The following KCNMB2 variants were observed in gnomAD, a reference collection of about 807,000 sequenced individuals.
KCNMB2 encodes potassium calcium-activated channel subfamily M regulatory beta subunit 2, also known as calcium-activated potassium channel subunit beta-2.
In KCNMB2, 9 loss-of-function variants were observed where a neutral mutation model predicts 24.5. The ratio of observed to expected loss-of-function variants is 0.37; its 90% CI spans 0.22 to 0.64. The LOEUF is 0.64. Among genes scored for constraint, KCNMB2 ranks in the 30% least tolerant of loss-of-function variants. The pLI is 0.63. For synonymous variants in KCNMB2, 109 were observed against 104.4 expected, an observed-to-expected ratio of 1.04 and a Z score of -0.27; for missense variants, 226 against 284.3, an observed-to-expected ratio of 0.79 and a Z score of 1.47.
intron 1 of KCNMB2, among the ~76,000 whole-genome samples, chr3:178,688,888 C>T (rs1361544664): frequency 1.3e-5 from 2 of 151,966 alleles, no homozygotes; most frequent in African/African-American, 4.8e-5. Flanking sequence ...CTATATGTAC[C>T]AGCTTTGTTA....
intron 1 of KCNMB2, among the ~76,000 whole-genome samples, chr3:178,546,172 T>C (rs966775906): frequency 2.0e-5 from 3 of 152,164 alleles, no homozygotes; most frequent in Admixed American, 6.6e-5. Context: ...TTTGTAGATA[T>C]AGAAAATATA....
chr3:178,758,165 G>T (rs1296825676), intron 1 of KCNMB2, among the ~76,000 whole-genome samples: 2 of 3,780 alleles, frequency 5.3e-4, no homozygotes, highest in African/African-American at 1.6e-3. Context: ...TATCCAAGAG[G>T]ATATATATAT....
At chr3:178,567,140 G>A (rs899274641) in intron 1 of KCNMB2, among the ~76,000 whole-genome samples, 1 of 152,110 alleles carries the variant, frequency 6.6e-6, no homozygotes, top group African/African-American at 2.4e-5. Flanking sequence ...CTTTATACTT[G>A]CCAATATCTG....
chr3:178,563,058 C>T (rs1382528395), intron 1 of KCNMB2, among the ~76,000 whole-genome samples: 5 of 152,176 alleles, frequency 3.3e-5, no homozygotes, highest in Non-Finnish European at 5.9e-5. Context: ...GGTCAGGATA[C>T]GAAATAACTC....
At chr3:178,675,379 T>A (rs1721037049) in intron 1 of KCNMB2, among the ~76,000 whole-genome samples, 1 of 152,154 alleles carries the variant, frequency 6.6e-6, no homozygotes, top group Non-Finnish European at 1.5e-5. Flanking sequence ...TTACCGTGTT[T>A]CTGAGGGCAT....
At chr3:178,659,779 T>C (rs1325386444) in intron 1 of KCNMB2, among the ~76,000 whole-genome samples, 1 of 152,236 alleles carries the variant, frequency 6.6e-6, no homozygotes, top group African/African-American at 2.4e-5. Context: ...AGATAGTGTG[T>C]GTAGCACATG....
chr3:178,775,098 G>T (rs1424387156), intron 1 of KCNMB2, among the ~76,000 whole-genome samples: 1 of 152,152 alleles, frequency 6.6e-6, no homozygotes. Context: ...AAAGTTCAAG[G>T]ACATATTGTA....
intron 1 of KCNMB2, among the ~76,000 whole-genome samples, chr3:178,760,940 G>A (rs1266576717): frequency 3.9e-5 from 6 of 152,024 alleles, no homozygotes; most frequent in Admixed American, 6.6e-5. Context: ...CTAATAACTT[G>A]ATTTACTAAT....
chr3:178,823,550 C>T (rs1170969861), intron 2 of KCNMB2, among the ~76,000 whole-genome samples: 1 of 152,144 alleles, frequency 6.6e-6, no homozygotes, highest in East Asian at 1.9e-4. Context: ...TAATTTTGCA[C>T]AACCAATACT....
At chr3:178,710,628 A>G (rs1245370922) in intron 1 of KCNMB2, among the ~76,000 whole-genome samples, 1 of 151,954 alleles carries the variant, frequency 6.6e-6, no homozygotes, top group Non-Finnish European at 1.5e-5. Flanking sequence ...TCATATGTGT[A>G]TGTGTGTGCG....
intron 1 of KCNMB2, among the ~76,000 whole-genome samples, chr3:178,685,489 C>A (rs1721433728): frequency 6.6e-6 from 1 of 152,176 alleles, no homozygotes; most frequent in Non-Finnish European, 1.5e-5. Context: ...TAGTGCCATC[C>A]AAAGGCAGCC....
At chr3:178,568,812 T>TAGAG (rs774844031) in intron 1 of KCNMB2, among the ~76,000 whole-genome samples, 1 of 48,688 alleles carries the variant, frequency 2.1e-5, no homozygotes, top group Non-Finnish European at 4.3e-5. Flanking sequence ...GATAGATAGA[T>TAGAG]AGATAATAGA....
intron 1 of KCNMB2, among the ~76,000 whole-genome samples, chr3:178,540,339 T>A (rs761287607): frequency 2.0e-5 from 3 of 152,200 alleles, no homozygotes; most frequent in Non-Finnish European, 4.4e-5. Context: ...TTTTTCACAG[T>A]TGGTCTCTTA....
chr3:178,539,805 G>T (rs927672132), intron 1 of KCNMB2, among the ~76,000 whole-genome samples: 1 of 151,884 alleles, frequency 6.6e-6, no homozygotes, highest in African/African-American at 2.4e-5. Context: ...TATAAACAGA[G>T]ACTTTTTCAA....
Position 178,649,450 on chromosome 3 carries a change from AT to A in KCNMB2, c.-68+112747del, listed in dbSNP as rs940602538. Reference sequence around the variant, plus strand: ...CAGTTCTCCCAACATCATCTATAGAATTTTTTTTCCTCTTTGGTAGAATTCG... The same window carrying A: ...CAGTTCTCCCAACATCATCTATAGAATTTTTTTCCTCTTTGGTAGAATTCG... On this transcript the variant is annotated intron_variant, in intron 1 of 4. Transcript: ENST00000452583. 9.9e-5 allele frequency among the ~76,000 whole-genome samples: 15 copies of A among 150,768 alleles called. No individual in the cohort carries two copies. In the South Asian group the frequency reaches 1.5e-3, roughly 15 times the overall value.
chr3:178,714,863 C>A (rs987460843), intron 1 of KCNMB2, among the ~76,000 whole-genome samples: 2 of 152,158 alleles, frequency 1.3e-5, no homozygotes, highest in Non-Finnish European at 2.9e-5. Context: ...CACGGCTGCA[C>A]CAGTCTCCTG....
intron 1 of KCNMB2, among the ~76,000 whole-genome samples, chr3:178,626,731 T>C (rs1055912509): frequency 3.3e-5 from 5 of 151,838 alleles, no homozygotes; most frequent in African/African-American, 1.2e-4. Context: ...CCTAGACACA[T>C]GGAGATTATG....
chr3:178,644,123 G>A (rs1405770918), intron 1 of KCNMB2, among the ~76,000 whole-genome samples: 1 of 152,218 alleles, frequency 6.6e-6, no homozygotes, highest in South Asian at 2.1e-4. Flanking sequence ...AATACCCTCC[G>A]AGCAAGGCAA....
chr3:178,761,639 G>T (rs1711887747), intron 1 of KCNMB2, among the ~76,000 whole-genome samples: 2 of 152,058 alleles, frequency 1.3e-5, no homozygotes, highest in Non-Finnish European at 2.9e-5. Flanking sequence ...ATAAAGAGTA[G>T]AAAGTGTTAT....
Sources: allele counts gnomAD v4.1 joint callset (sites outside exome capture counted in the v4.1 genomes callset), GRCh38; gene constraint gnomAD v4.1.1; transcripts MANE v1.5; gene names NCBI Gene and HGNC (gene_info 2026-07-23, HGNC 2026-07-21).